NIBAN2: variants seen among roughly 807,000 people sequenced by gnomAD.
The protein encoded by NIBAN2 is protein Niban 2.
In NIBAN2, 36 loss-of-function variants were observed where a neutral mutation model predicts 81.8. The ratio of observed to expected loss-of-function variants is 0.44; its 90% CI spans 0.34 to 0.58. The LOEUF (loss-of-function observed/expected upper bound fraction) is 0.58. Among genes scored for constraint, NIBAN2 ranks in the 20% least tolerant of loss-of-function variants. The probability of loss-of-function intolerance (pLI) is 0.02; values close to 1 mark genes in which losing one functional copy is unlikely to be tolerated. For synonymous variants in NIBAN2, 445 were observed against 441.6 expected (o/e 1.01, Z -0.10); for missense variants, 897 against 1,014.1 (o/e 0.88, Z 1.57).
rs763094093 is a variant in NIBAN2, at chr9:127,517,259, C to T, written c.706-43G>A. On this transcript the variant is annotated intron_variant, in intron 6 of 13. Transcript: ENST00000373312. This position sits in a 1 kb window ranked among gnomAD's most constrained non-coding sequence, Gnocchi z 4.0. The stretch of plus-strand genomic sequence containing the variant: ...AAGCCAGGCCAGGGGCTGGAGAGCG[C>T]TCAGCTGGCCTGTTTCTCTCTGCAT... 5.2e-6 allele frequency: 8 copies of T among 1,545,916 alleles called. No individual in the cohort carries two copies. Among genetic ancestry groups the T allele is most frequent in the Non-Finnish European group, 6.2e-6 (7 of 1,125,664 alleles).
chr9:127,546,683 C>A (rs369801357), intron 1 of NIBAN2, among the ~76,000 whole-genome samples: 2 of 152,174 alleles, frequency 1.3e-5, no homozygotes, highest in Admixed American at 6.5e-5. Context: ...AGATGTCAGG[C>A]GAGTCACCAA....
intron 1 of NIBAN2, among the ~76,000 whole-genome samples, chr9:127,553,679 C>G (rs1837617923): frequency 6.6e-6 from 1 of 152,224 alleles, no homozygotes. Flanking sequence ...AAGTTCTATG[C>G]CAGGTACCAG....
Position 127,506,836 on chromosome 9 carries a change from C to T in NIBAN2, c.*9G>A. 6.3e-7 allele frequency: 1 copy of T among 1,593,000 alleles called. No homozygotes were observed. Among genetic ancestry groups the T allele is most frequent in the African/African-American group, 1.3e-5 (1 of 74,334 alleles). On this transcript the variant is annotated 3_prime_UTR_variant, in exon 14 of 14. Coordinates refer to ENST00000373312, the MANE Select transcript of NIBAN2 (RefSeq NM_022833.4). ...CTGTGCCATGTGCAGCAGTCAGGGA[C>T]CCACTGGCCTAGAACTCAGTCTGCA...
chr9:127,520,777 G>A (rs1395524168), intron 5 of NIBAN2, among the ~76,000 whole-genome samples: 2 of 152,062 alleles, frequency 1.3e-5, no homozygotes, highest in Non-Finnish European at 2.9e-5. Context: ...CCAGCTACTC[G>A]GGAGGCTGAG....
intron 1 of NIBAN2, among the ~76,000 whole-genome samples, chr9:127,533,895 G>T (rs1243511439): frequency 6.6e-6 from 1 of 152,238 alleles, no homozygotes; most frequent in Non-Finnish European, 1.5e-5. Flanking sequence ...CAACCTTTCT[G>T]CTTTCACTGG....
chr9:127,533,935 T>C (rs1837228086), intron 1 of NIBAN2, among the ~76,000 whole-genome samples: 1 of 152,380 alleles, frequency 6.6e-6, no homozygotes, highest in Admixed American at 6.5e-5. Context: ...GCGCGGTTTC[T>C]GAATAGAGGT....
chr9:127,510,984 A>G (rs1330258808), intron 8 of NIBAN2, among the ~76,000 whole-genome samples: 1 of 152,136 alleles, frequency 6.6e-6, no homozygotes, highest in Non-Finnish European at 1.5e-5. Flanking sequence ...CCAAGTAATG[A>G]GCACAGTGCC....
chr9:127,527,435 C>T, intron 2 of NIBAN2, 113 bp from the exon 3 acceptor site: 1 of 1,079,040 alleles, frequency 9.3e-7, no homozygotes, highest in Admixed American at 2.0e-5. Context: ...CCTAGCATGT[C>T]CTCCATTTTG....
chr9:127,514,270 CAAAAAAA>C (rs34295842), intron 8 of NIBAN2, among the ~76,000 whole-genome samples: 2 of 118,132 alleles, frequency 1.7e-5, no homozygotes, highest in Admixed American at 8.8e-5. Context: ...ACTCTGTGTC[CAAAAAAA>C]AAAAAAAAAA....
chr9:127,507,397 G>A lies in NIBAN2; in HGVS notation c.1689C>T (p.Asn563=), dbSNP rs115851622. The stretch of plus-strand genomic sequence containing the variant: ...GCATGACCATGCTGTCCCGGTAGAG[G>A]TTGTGCTTCCTCTGCACCGCGGCCT... The part of the protein sequence containing the change: ...VKEAAVQRKH[N]LYRDSMVMHN... Residue 563 remains asparagine, a synonymous_variant, in exon 14 of 14, where the codon AAC becomes AAT. Coordinates refer to ENST00000373312, the MANE Select transcript of NIBAN2 (RefSeq NM_022833.4). This position sits in a 1 kb window ranked among gnomAD's most constrained non-coding sequence, Gnocchi z 6.8. 3.3e-6 allele frequency: 5 copies of A among 1,518,980 alleles called. No homozygotes were observed. Among genetic ancestry groups the A allele is most frequent in the Admixed American group, 2.2e-5 (1 of 45,406 alleles). The allele number at this position is 1,518,980 out of a possible 1,614,324, so 94.1% of individuals were successfully genotyped here. A position where few individuals can be genotyped will look rare whatever the true frequency, so the allele number is the denominator to read the frequency against.
At chr9:127,546,361 C>T (rs1006825404) in intron 1 of NIBAN2, among the ~76,000 whole-genome samples, 3 of 152,140 alleles carry the variant, frequency 2.0e-5, no homozygotes, top group Non-Finnish European at 2.9e-5. Flanking sequence ...CGTCCAGGGC[C>T]GAGGCTGGAC....
At chr9:127,550,790 TATC>T (rs1167122799) in intron 1 of NIBAN2, among the ~76,000 whole-genome samples, 2 of 152,268 alleles carry the variant, frequency 1.3e-5, no homozygotes, top group East Asian at 3.9e-4. Flanking sequence ...CAAGGTCACA[TATC>T]AGCAGCAGAA....
intron 5 of NIBAN2, among the ~76,000 whole-genome samples, chr9:127,523,262 A>C (rs1836995806): frequency 8.5e-6 from 1 of 118,128 alleles, no homozygotes; most frequent in African/African-American, 3.2e-5. Context: ...TAAAATTAAA[A>C]AAAAAATCTT....
chr9:127,555,319 G>A (rs1275180268), intron 1 of NIBAN2, among the ~76,000 whole-genome samples: 1 of 152,182 alleles, frequency 6.6e-6, no homozygotes, highest in Non-Finnish European at 1.5e-5. Flanking sequence ...ACCCTTACCA[G>A]CCCCCATTTC....
At chr9:127,518,428 C>T (rs1164921323) in intron 5 of NIBAN2, among the ~76,000 whole-genome samples, 1 of 152,232 alleles carries the variant, frequency 6.6e-6, no homozygotes, top group East Asian at 1.9e-4. Context: ...GCCCTTCAAA[C>T]TTTGCCTGGA....
At chr9:127,552,849 G>A (rs1273422026) in intron 1 of NIBAN2, among the ~76,000 whole-genome samples, 5 of 151,844 alleles carry the variant, frequency 3.3e-5, no homozygotes, top group African/African-American at 7.3e-5. Context: ...CCACCACCAC[G>A]CCTGGCTAAT....
chr9:127,510,076 G>C (rs1019610251), intron 9 of NIBAN2, 70 bp downstream of exon 9: 136 of 1,438,120 alleles, frequency 9.5e-5, no homozygotes, highest in Non-Finnish European at 1.3e-4. Context: ...GAGTCACGCA[G>C]CCGGGGCCCT....
chr9:127,570,432 A>C (rs1360813515), upstream of NIBAN2, among the ~76,000 whole-genome samples: 1 of 152,198 alleles, frequency 6.6e-6, no homozygotes, highest in African/African-American at 2.4e-5. Context: ...GACCCTGGAC[A>C]AGTGGCATTA....
chr9:127,562,204 T>C (rs898297304), intron 1 of NIBAN2, among the ~76,000 whole-genome samples: 1 of 151,998 alleles, frequency 6.6e-6, no homozygotes, highest in African/African-American at 2.4e-5. Context: ...CCACTTCCTC[T>C]CCCCGCCTCC....
Sources: allele counts gnomAD v4.1 joint callset (sites outside exome capture counted in the v4.1 genomes callset), GRCh38; gene constraint gnomAD v4.1.1; non-coding constraint Gnocchi (gnomAD v3.1); transcripts MANE v1.5; gene names NCBI Gene and HGNC (gene_info 2026-07-23, HGNC 2026-07-21).